Variants in ZNF804B observed in about 807,000 individuals in gnomAD.
The protein encoded by ZNF804B is zinc finger protein 804B, also known as zinc finger 804B.
A neutral mutation model predicts 101.4 loss-of-function variants in ZNF804B; 80 were observed. That is an observed-to-expected ratio of 0.79 (90% CI 0.66 to 0.95). The LOEUF is 0.95. ZNF804B is among the 40% of genes least tolerant of loss of function. The probability of loss-of-function intolerance (pLI) is 0.00; values close to 1 mark genes in which losing one functional copy is unlikely to be tolerated. For missense variants in ZNF804B, 1,673 were observed against 1,561.9 expected (o/e 1.07, Z -1.20); for synonymous variants, 622 against 558.8 (o/e 1.11, Z -1.59).
chr7:89,272,588 T>C (rs936974715), intron 2 of ZNF804B, among the ~76,000 whole-genome samples: 3 of 152,076 alleles, frequency 2.0e-5, no homozygotes, highest in African/African-American at 4.8e-5. Context: ...AATATGACTT[T>C]CAGTACATTT....
At chr7:89,052,734 A>G (rs762999946) in intron 1 of ZNF804B, among the ~76,000 whole-genome samples, 21 of 152,172 alleles carry the variant, frequency 1.4e-4, no homozygotes, top group Non-Finnish European at 2.4e-4. Context: ...CATTGCCTCA[A>G]CAAAACGTAC....
In ZNF804B at chr7:89,333,544, C is replaced by T. The variant is rs774321079; in HGVS notation, c.562C>T (p.Arg188Ter). 7 of 1,613,352 alleles carry T rather than the reference C, an allele frequency of 4.3e-6. No individual in the cohort carries two copies. The highest frequency in any genetic ancestry group is 3.3e-5 in the South Asian group (3 of 91,060). Residue 188 changes from arginine (R) to a stop codon, truncating the protein, a stop_gained, in exon 4 of 4, where the codon CGA (arginine) becomes TGA (stop). Coordinates refer to ENST00000333190, the MANE Select transcript of ZNF804B (RefSeq NM_181646.5). LOFTEE classifies it high-confidence loss of function. ...SDKQRSTMPN[R>*]HQLQSDRRCL... Reference sequence around the variant, plus strand: ...TAAACAGCGGTCCACCATGCCAAATCGACACCAATTACAATCAGACAGGCG... The same window carrying T: ...TAAACAGCGGTCCACCATGCCAAATTGACACCAATTACAATCAGACAGGCG...
At position 88,948,695 on chromosome 7, in the gene ZNF804B, G is replaced by A. The variant is rs1218098922; in HGVS notation, c.108+188611G>A. Reference sequence around the variant, plus strand: ...ACTCATCTTTCATGTGTAATGGATGGAAGAAGAGAAGTCACCCCAGGGAAG... The same window carrying A: ...ACTCATCTTTCATGTGTAATGGATGAAAGAAGAGAAGTCACCCCAGGGAAG... On this transcript the variant is annotated intron_variant, in intron 1 of 3. Coordinates refer to ENST00000333190, the MANE Select transcript of ZNF804B (RefSeq NM_181646.5). Among the ~76,000 whole-genome samples, 11 of 151,838 alleles carry A rather than the reference G, an allele frequency of 7.2e-5. No homozygotes were observed. The South Asian group carries it at 2.3e-3, about 31-fold the overall frequency.
In ZNF804B at chr7:89,335,975, C is replaced by T; in HGVS notation, c.2993C>T (p.Pro998Leu). The T allele has an allele frequency of 6.2e-7, 1 of 1,613,960 alleles. No homozygotes were observed. Among genetic ancestry groups the T allele is most frequent in the Non-Finnish European group, 8.5e-7 (1 of 1,179,976 alleles). ...AGAAATGATCAAGACAGTGCAATTCCAAGGACTACGGAGAAAGACAAAAGC... is the reference window on the plus strand; with the variant it reads ...AGAAATGATCAAGACAGTGCAATTCTAAGGACTACGGAGAAAGACAAAAGC... ...ESRNDQDSAI[P>L]RTTEKDKSKS... is the part of the protein sequence containing the mutation. Residue 998 changes from proline to leucine, a missense_variant, in exon 4 of 4, where the codon CCA becomes CTA. Coordinates refer to ENST00000333190, the MANE Select transcript of ZNF804B (RefSeq NM_181646.5).
At chr7:89,275,790 T>C (rs1314478466) in intron 2 of ZNF804B, among the ~76,000 whole-genome samples, 1 of 151,952 alleles carries the variant, frequency 6.6e-6, no homozygotes, top group Non-Finnish European at 1.5e-5. Flanking sequence ...GAAAGTGAGC[T>C]ATAGGAGGAT....
chr7:89,325,898 G>A (rs1254827036), intron 2 of ZNF804B, among the ~76,000 whole-genome samples: 1 of 151,774 alleles, frequency 6.6e-6, no homozygotes, highest in African/African-American at 2.4e-5. Context: ...TTTCCAAAAG[G>A]TCTTTGCTTG....
intron 1 of ZNF804B, among the ~76,000 whole-genome samples, chr7:89,196,491 A>C (rs970956160): frequency 3.9e-5 from 6 of 152,162 alleles, no homozygotes; most frequent in African/African-American, 1.4e-4. Context: ...GATGGATTAA[A>C]GACTTAAATG....
chr7:89,123,792 C>A (rs1790439350), intron 1 of ZNF804B, among the ~76,000 whole-genome samples: 1 of 151,972 alleles, frequency 6.6e-6, no homozygotes, highest in Non-Finnish European at 1.5e-5. Context: ...AAAGATAATA[C>A]AAGTAGTAAT....
intron 1 of ZNF804B, among the ~76,000 whole-genome samples, chr7:88,870,175 A>G (rs1242409181): frequency 6.6e-6 from 1 of 151,352 alleles, no homozygotes; most frequent in Non-Finnish European, 1.5e-5. Context: ...TCACGAGGTC[A>G]GGAGATCGAG....
At chr7:88,955,341 G>A (rs1793289059) in intron 1 of ZNF804B, among the ~76,000 whole-genome samples, 1 of 151,490 alleles carries the variant, frequency 6.6e-6, no homozygotes, top group African/African-American at 2.4e-5. Context: ...TTATCTACAT[G>A]AGAGGCTTTA....
intron 2 of ZNF804B, among the ~76,000 whole-genome samples, chr7:89,230,357 A>G (rs1452724145): frequency 6.6e-6 from 1 of 151,930 alleles, no homozygotes; most frequent in Non-Finnish European, 1.5e-5. Flanking sequence ...AAGAAATAGT[A>G]TAAGTGACTC....
chr7:89,199,660 G>A (rs925784621), intron 1 of ZNF804B, among the ~76,000 whole-genome samples: 1 of 151,720 alleles, frequency 6.6e-6, no homozygotes, highest in Non-Finnish European at 1.5e-5. Flanking sequence ...ACTCCAGAAC[G>A]ATACTCCTAA....
At chr7:88,790,907 C>T (rs987347657) in intron 1 of ZNF804B, among the ~76,000 whole-genome samples, 4 of 151,960 alleles carry the variant, frequency 2.6e-5, no homozygotes, top group Non-Finnish European at 5.9e-5. Flanking sequence ...CAAATGTACC[C>T]AAACATACAC....
At chr7:89,076,719 G>T (rs1789619869) in intron 1 of ZNF804B, among the ~76,000 whole-genome samples, 1 of 152,152 alleles carries the variant, frequency 6.6e-6, no homozygotes, top group African/African-American at 2.4e-5. Flanking sequence ...ATTGTAGCTA[G>T]TAGAGTGATG....
At chr7:88,834,255 T>C (rs549110322) in intron 1 of ZNF804B, among the ~76,000 whole-genome samples, 1 of 151,978 alleles carries the variant, frequency 6.6e-6, no homozygotes, top group East Asian at 1.9e-4. Context: ...ACGAATGACA[T>C]GAAGGAATGT....
At chr7:89,256,061 G>C (rs1789627910) in intron 2 of ZNF804B, among the ~76,000 whole-genome samples, 1 of 152,082 alleles carries the variant, frequency 6.6e-6, no homozygotes, top group Non-Finnish European at 1.5e-5. Flanking sequence ...GTGCTGGGAT[G>C]ATTTTAATGA....
chr7:89,050,598 A>C (rs1490196183), intron 1 of ZNF804B, among the ~76,000 whole-genome samples: 1 of 152,176 alleles, frequency 6.6e-6, no homozygotes, highest in Non-Finnish European at 1.5e-5. Context: ...CAGATGGTTT[A>C]AATTTTACAA....
At chr7:89,057,297 A>G (rs2116275613) in intron 1 of ZNF804B, among the ~76,000 whole-genome samples, 1 of 152,150 alleles carries the variant, frequency 6.6e-6, no homozygotes, top group East Asian at 1.9e-4. Flanking sequence ...AATAGGTCAA[A>G]ATGCAGCCGG....
chr7:89,171,285 GCTGCTTCTT>G (rs1163871635), intron 1 of ZNF804B, among the ~76,000 whole-genome samples: 1,109 of 64,570 alleles, frequency 0.017, 30 homozygotes, highest in African/African-American at 0.053. Flanking sequence ...TAATGCTGCT[GCTGCTTCTT>G]CTTCTTCTTC....
Sources: gnomAD v4.1 joint callset for allele counts (sites outside exome capture counted in the v4.1 genomes callset) on GRCh38, gnomAD v4.1.1 for gene constraint, MANE v1.5 for transcripts, NCBI Gene and HGNC (gene_info 2026-07-23, HGNC 2026-07-21) for gene names.